Variants in PKHD1 observed in about 807,000 individuals in gnomAD.
PKHD1 encodes the protein PKHD1 ciliary IPT domain containing fibrocystin/polyductin, also known as fibrocystin.
In PKHD1, 291 loss-of-function variants were observed where a neutral mutation model predicts 412.0. The observed-to-expected ratio is 0.71, with a 90% CI of 0.64 to 0.78. The LOEUF is 0.78. Among genes scored for constraint, PKHD1 ranks in the 30% least tolerant of loss-of-function variants. The pLI, the probability that PKHD1 is intolerant of heterozygous loss-of-function variation, is 0.00. For missense variants in PKHD1, 4,825 were observed against 4,950.7 expected (o/e 0.97, Z 0.76); for synonymous variants, 1,777 against 1,821.5 (o/e 0.98, Z 0.62).
intron 49 of PKHD1, among the ~76,000 whole-genome samples, chr6:51,853,308 G>C (rs2151667086): frequency 6.6e-6 from 1 of 152,248 alleles, no homozygotes; most frequent in Middle Eastern, 3.4e-3. Flanking sequence ...CTTTGTAGGT[G>C]ACCTGGCCTT....
At chr6:51,806,444 C>T (rs1317048623) in intron 52 of PKHD1, among the ~76,000 whole-genome samples, 1 of 152,092 alleles carries the variant, frequency 6.6e-6, no homozygotes, top group Non-Finnish European at 1.5e-5. Context: ...TGGCCACTGG[C>T]AATGGCAGGC....
chr6:51,715,048 A>T (rs1268187424), intron 60 of PKHD1, among the ~76,000 whole-genome samples: 1 of 152,148 alleles, frequency 6.6e-6, no homozygotes, highest in African/African-American at 2.4e-5. Context: ...GTCTAAAAAA[A>T]GTCCACTCCG....
intron 11 of PKHD1, among the ~76,000 whole-genome samples, chr6:52,067,554 A>G (rs1156238611): frequency 6.6e-6 from 1 of 152,224 alleles, no homozygotes; most frequent in East Asian, 1.9e-4. Flanking sequence ...GAGAAATTAG[A>G]GAGTATATGA....
intron 46 of PKHD1, among the ~76,000 whole-genome samples, chr6:51,874,116 T>C (rs1776439274): frequency 6.6e-6 from 1 of 152,140 alleles, no homozygotes; most frequent in South Asian, 2.1e-4. Context: ...AAATCACCCC[T>C]AGAGAAATAG....
chr6:51,724,340 C>A (rs1372938134), intron 60 of PKHD1, among the ~76,000 whole-genome samples: 1 of 152,140 alleles, frequency 6.6e-6, no homozygotes, highest in Non-Finnish European at 1.5e-5. Context: ...TCATTTACTA[C>A]TCCTCTAAAC....
At chr6:51,833,996 T>C (rs1768734197) in intron 51 of PKHD1, among the ~76,000 whole-genome samples, 1 of 152,120 alleles carries the variant, frequency 6.6e-6, no homozygotes, top group Non-Finnish European at 1.5e-5. Context: ...CACTTAAGAT[T>C]TTAGGTAGTC....
rs553862658 is a variant in PKHD1 at position 51,948,183 on chromosome 6, T to C, written c.5908+11687A>G. 3.3e-4 allele frequency among the ~76,000 whole-genome samples: 51 copies of C among 152,316 alleles called. No homozygotes were observed. The South Asian group carries it at 1.0e-2, about 30-fold the overall frequency. On this transcript the variant is annotated intron_variant, in intron 36 of 66. Transcript: ENST00000371117. ...ACTTAGCTCCCTGTTTCTGCCCTTATCCTCTACCTCAGGGTTAATTCTCAA... is the reference window on the plus strand; with the variant it reads ...ACTTAGCTCCCTGTTTCTGCCCTTACCCTCTACCTCAGGGTTAATTCTCAA...
chr6:51,665,227 A>G (rs1773542054), intron 60 of PKHD1, among the ~76,000 whole-genome samples: 1 of 152,120 alleles, frequency 6.6e-6, no homozygotes, highest in Non-Finnish European at 1.5e-5. Flanking sequence ...TGTGACAGAT[A>G]TACTTTTTCT....
intron 47 of PKHD1, among the ~76,000 whole-genome samples, chr6:51,868,520 A>G (rs1775452181): frequency 6.6e-6 from 1 of 152,176 alleles, no homozygotes; most frequent in Admixed American, 6.6e-5. Context: ...TACAATGCAC[A>G]GGACAATCCC....
At chr6:51,635,783 G>T (rs1014290390) in intron 64 of PKHD1, among the ~76,000 whole-genome samples, 1 of 147,096 alleles carries the variant, frequency 6.8e-6, no homozygotes. Flanking sequence ...TGACTTTCTG[G>T]GGGGAGAATA....
At chr6:51,743,209 AAGG>A (rs1784780250) in intron 60 of PKHD1, among the ~76,000 whole-genome samples, 1 of 152,164 alleles carries the variant, frequency 6.6e-6, no homozygotes, top group South Asian at 2.1e-4. Flanking sequence ...GAAGACCAGC[AAGG>A]AGGCTATTCC....
intron 53 of PKHD1, among the ~76,000 whole-genome samples, chr6:51,787,499 T>A (rs1793075861): frequency 1.3e-5 from 2 of 152,234 alleles, no homozygotes; most frequent in South Asian, 4.1e-4. Flanking sequence ...GTTTACTAAC[T>A]AGTCTTATTA....
Position 51,950,220 on chromosome 6 carries a change from A to AAAAAAATATAT in PKHD1, c.5908+9649_5908+9650insATATATTTTTT. Among the ~76,000 whole-genome samples the AAAAAAATATAT allele has an allele frequency of 5.0e-3, 490 of 98,256 alleles. 3 individuals are homozygous for AAAAAAATATAT. The highest frequency in any genetic ancestry group is 0.014 in the Middle Eastern group (3 of 208). The allele number at this position is 98,256 out of a possible 152,430, so 64.5% of individuals were successfully genotyped here. ...AATGGGCAATATAGAGAAAAAAAAAAATATATATATATATATATATGAAAT... is the reference window on the plus strand; with the variant it reads ...AATGGGCAATATAGAGAAAAAAAAAAAAAAAATATATATATATATATATATATATATGAAAT... On this transcript the variant is annotated intron_variant, in intron 36 of 66. Coordinates refer to ENST00000371117, the MANE Select transcript of PKHD1 (RefSeq NM_138694.4).
chr6:51,749,041 T>G (rs923842710), intron 57 of PKHD1, among the ~76,000 whole-genome samples: 1 of 152,084 alleles, frequency 6.6e-6, no homozygotes, highest in Admixed American at 6.6e-5. Flanking sequence ...CACCTCAAAG[T>G]CAAGTCTCCC....
chr6:52,087,259 TC>T (rs1424452757), intron 1 of PKHD1, among the ~76,000 whole-genome samples, 174 bp downstream of exon 1: 1 of 152,146 alleles, frequency 6.6e-6, no homozygotes, highest in African/African-American at 2.4e-5. Flanking sequence ...CTGCTCTCAC[TC>T]CCTCTTCCCT....
chr6:51,827,667 G>A (rs1767547364), intron 52 of PKHD1, among the ~76,000 whole-genome samples: 1 of 152,022 alleles, frequency 6.6e-6, no homozygotes, highest in African/African-American at 2.4e-5. Flanking sequence ...AACACATTCA[G>A]TATTTATTAT....
At chr6:52,002,731 C>A (rs1203389718) in intron 35 of PKHD1, among the ~76,000 whole-genome samples, 2 of 152,032 alleles carry the variant, frequency 1.3e-5, no homozygotes, top group Non-Finnish European at 1.5e-5. Context: ...ACAAAAGGGA[C>A]AAAATTGTTT....
intron 41 of PKHD1, 73 bp downstream of exon 41, chr6:51,906,142 T>C (rs1184654703): frequency 1.6e-6 from 2 of 1,254,054 alleles, no homozygotes; most frequent in Non-Finnish European, 2.3e-6. Flanking sequence ...AATTAGAAAT[T>C]TGGGGAGAAT....
chr6:51,856,165 T>C (rs1013659007), intron 48 of PKHD1, 95 bp from the exon 49 acceptor site: 9 of 811,916 alleles, frequency 1.1e-5, no homozygotes, highest in Non-Finnish European at 1.5e-5. Flanking sequence ...CAATCATCTT[T>C]CCATTCTCTC....
Sources: allele counts gnomAD v4.1 joint callset (sites outside exome capture counted in the v4.1 genomes callset), GRCh38; gene constraint gnomAD v4.1.1; transcripts MANE v1.5; gene names NCBI Gene and HGNC (gene_info 2026-07-23, HGNC 2026-07-21).